The following PPP2R2B variants were observed in gnomAD, a reference collection of about 807,000 sequenced individuals.
PPP2R2B encodes protein phosphatase 2 regulatory subunit Bbeta.
In PPP2R2B, 5 loss-of-function variants were observed where a neutral mutation model predicts 46.0. The ratio of observed to expected loss-of-function variants is 0.11; its 90% confidence interval spans 0.06 to 0.23. The LOEUF is 0.23. Ranked by LOEUF, PPP2R2B falls within the 10% of genes least tolerant of loss-of-function variation. The pLI, the probability that PPP2R2B is intolerant of heterozygous loss-of-function variation, is 1.00. For missense variants in PPP2R2B, 367 were observed against 575.0 expected (o/e 0.64, Z 3.70); for synonymous variants, 215 against 206.7 (o/e 1.04, Z -0.34).
At chr5:146,609,042 C>G (rs1400535565) in intron 7 of PPP2R2B, among the ~76,000 whole-genome samples, 1 of 152,030 alleles carries the variant, frequency 6.6e-6, no homozygotes, top group Non-Finnish European at 1.5e-5. Context: ...ACTAGCAAAC[C>G]GAATTCAACA....
intron 2 of PPP2R2B, among the ~76,000 whole-genome samples, chr5:146,749,179 G>A (rs1753381719): frequency 6.6e-6 from 1 of 152,138 alleles, no homozygotes; most frequent in African/African-American, 2.4e-5. Flanking sequence ...CATTTGCTGT[G>A]CTTATTGGTC....
intron 7 of PPP2R2B, among the ~76,000 whole-genome samples, chr5:146,637,007 C>T (rs1236942707): frequency 3.3e-5 from 5 of 152,166 alleles, no homozygotes; most frequent in Middle Eastern, 3.2e-3. Context: ...ATGTCTCAAC[C>T]GTCTCTGAAT....
chr5:146,738,691 A>G (rs1752690807), intron 2 of PPP2R2B, among the ~76,000 whole-genome samples: 1 of 152,138 alleles, frequency 6.6e-6, no homozygotes, highest in African/African-American at 2.4e-5. Context: ...CAGATTCCTC[A>G]TGGGCAGAGA....
In PPP2R2B at chr5:146,861,426, C is replaced by G. The variant is rs920012255; in HGVS notation, c.70+16576G>C. Among the ~76,000 whole-genome samples the G allele has an allele frequency of 3.9e-5, 6 of 152,040 alleles. No individual in the cohort carries two copies. In the South Asian group the frequency reaches 1.2e-3, roughly 32 times the overall value. On this transcript the variant is annotated intron_variant, in intron 2 of 9. Coordinates refer to ENST00000394411, the MANE Select transcript of PPP2R2B (RefSeq NM_181675.4). ...CAGGATAGTCTCAATCTCCTGACCT[C>G]GTGATCCACCCAGCTCAGCCTCCCA...
intron 2 of PPP2R2B, among the ~76,000 whole-genome samples, chr5:146,727,242 A>T (rs1005470206): frequency 2.9e-4 from 42 of 142,734 alleles, no homozygotes; most frequent in African/African-American, 3.3e-4. Context: ...ACATTTATTT[A>T]AAAAAAAAAA....
At chr5:146,969,481 G>C (rs914444502) in intron 1 of PPP2R2B, among the ~76,000 whole-genome samples, 4 of 152,174 alleles carry the variant, frequency 2.6e-5, no homozygotes, top group Admixed American at 2.6e-4. Flanking sequence ...AGTACTTACT[G>C]ACAGTTTATA....
chr5:147,004,014 C>T (rs976512090), intron 1 of PPP2R2B, among the ~76,000 whole-genome samples: 2 of 151,816 alleles, frequency 1.3e-5, no homozygotes, highest in Non-Finnish European at 2.9e-5. Flanking sequence ...ACCTGGCAAC[C>T]TTGGTGTTTT....
intron 1 of PPP2R2B, among the ~76,000 whole-genome samples, chr5:147,015,968 G>A (rs1162426517): frequency 6.6e-6 from 1 of 151,284 alleles, no homozygotes; most frequent in Non-Finnish European, 1.5e-5. Context: ...CATAATAAAT[G>A]TCTTAATTTG....
At chr5:146,638,515 C>G in intron 6 of PPP2R2B, 100 bp from the exon 7 acceptor site, 1 of 1,143,194 alleles carries the variant, frequency 8.7e-7, no homozygotes, top group Admixed American at 2.4e-5. Context: ...TAAAATATGT[C>G]AACATTTGCT....
At chr5:146,949,780 T>G (rs1764594905) in intron 1 of PPP2R2B, among the ~76,000 whole-genome samples, 1 of 151,986 alleles carries the variant, frequency 6.6e-6, no homozygotes, top group South Asian at 2.1e-4. Context: ...CATCAACAGA[T>G]GAATAAAGAA....
chr5:146,843,199 A>G lies in PPP2R2B; in HGVS notation c.70+34803T>C, dbSNP rs368374553. On this transcript the variant is annotated intron_variant, in intron 2 of 9. Transcript: ENST00000394411. Reference sequence around the variant, plus strand: ...CGAAACTCTGCCTCAAAAAAACTTTAAAATTATCCAGATGCCAGAATCAGT... The same window carrying G: ...CGAAACTCTGCCTCAAAAAAACTTTGAAATTATCCAGATGCCAGAATCAGT... Among the ~76,000 whole-genome samples, 5 of 152,368 alleles carry G rather than the reference A, an allele frequency of 3.3e-5. No individual in the cohort carries two copies. In the South Asian group the frequency reaches 1.0e-3, roughly 32 times the overall value.
chr5:146,866,502 A>C (rs1348677731), intron 2 of PPP2R2B, among the ~76,000 whole-genome samples: 1 of 152,148 alleles, frequency 6.6e-6, no homozygotes, highest in African/African-American at 2.4e-5. Context: ...CAGATACTAT[A>C]CTAGGAGATG....
At chr5:147,036,689 A>G (rs1756054059) in intron 1 of PPP2R2B, among the ~76,000 whole-genome samples, 1 of 152,060 alleles carries the variant, frequency 6.6e-6, no homozygotes, top group South Asian at 2.1e-4. Flanking sequence ...TGTATTTTTG[A>G]CTTTTTAATA....
intron 1 of PPP2R2B, among the ~76,000 whole-genome samples, chr5:147,039,855 C>T (rs1756213207): frequency 6.6e-6 from 1 of 152,148 alleles, no homozygotes; most frequent in Admixed American, 6.6e-5. Flanking sequence ...TAGAAGCATG[C>T]TGAACACATA....
chr5:146,968,047 TA>T (rs1036794593), intron 1 of PPP2R2B, among the ~76,000 whole-genome samples: 2 of 152,172 alleles, frequency 1.3e-5, no homozygotes, highest in African/African-American at 4.8e-5. Context: ...AATTACGTGT[TA>T]ATTGAAAGTT....
intron 2 of PPP2R2B, among the ~76,000 whole-genome samples, chr5:146,782,360 A>T (rs1755582630): frequency 6.6e-6 from 1 of 152,236 alleles, no homozygotes; most frequent in East Asian, 1.9e-4. Context: ...ACCATTCTGA[A>T]CCAACTTTAC....
intron 1 of PPP2R2B, among the ~76,000 whole-genome samples, chr5:146,932,546 C>T (rs1314500069): frequency 6.6e-6 from 1 of 152,158 alleles, no homozygotes; most frequent in African/African-American, 2.4e-5. Context: ...TCTCCTTTGC[C>T]TTCTGCCATG....
At chr5:147,022,002 C>T (rs1004866832) in intron 1 of PPP2R2B, among the ~76,000 whole-genome samples, 13 of 151,676 alleles carry the variant, frequency 8.6e-5, no homozygotes, top group East Asian at 5.8e-4. Flanking sequence ...AAGGAACTTC[C>T]GGAGTTAAAA....
chr5:147,017,926 C>T (rs1309216907), intron 1 of PPP2R2B, among the ~76,000 whole-genome samples: 1 of 151,814 alleles, frequency 6.6e-6, no homozygotes, highest in Non-Finnish European at 1.5e-5. Flanking sequence ...CTTTAAGCAG[C>T]AATTAAGGCT....
Sources: allele counts gnomAD v4.1 joint callset (sites outside exome capture counted in the v4.1 genomes callset), GRCh38; gene constraint gnomAD v4.1.1; transcripts MANE v1.5; gene names NCBI Gene and HGNC (gene_info 2026-07-23, HGNC 2026-07-21).